ANXA4: variants seen among roughly 807,000 people sequenced by gnomAD.
The protein encoded by ANXA4 is annexin A4.
Under a neutral mutation model 49.8 loss-of-function variants are expected in ANXA4, and 39 were observed. The ratio of observed to expected loss-of-function variants is 0.78; its 90% CI spans 0.61 to 1.02. The LOEUF (loss-of-function observed/expected upper bound fraction) is 1.02. Ranked by LOEUF, ANXA4 falls within the 50% of genes least tolerant of loss-of-function variation. ANXA4 has a pLI of 0.00. For synonymous variants in ANXA4, 134 were observed against 152.5 expected (o/e 0.88, Z 0.89); for missense variants, 360 against 410.1 (o/e 0.88, Z 1.05).
At chr2:69,763,426 C>T (rs981142208) in intron 1 of ANXA4, among the ~76,000 whole-genome samples, 14 of 151,892 alleles carry the variant, frequency 9.2e-5, no homozygotes, top group African/African-American at 3.4e-4. Context: ...TTTTTCCCCA[C>T]GTGGGCAAAT....
chr2:69,712,829 G>A (rs1035407021), intron 2 of ANXA4, among the ~76,000 whole-genome samples: 2 of 152,140 alleles, frequency 1.3e-5, no homozygotes, highest in African/African-American at 4.8e-5. Context: ...TTCTTCTTGA[G>A]TTGTGAAGAT....
At position 69,656,377 on chromosome 2, in the gene ANXA4, GTGTATATA is replaced by G. The variant is rs1203668093; in HGVS notation, n.766+3097_766+3104del. Among the ~76,000 whole-genome samples, 31 of 100,132 alleles carry G rather than the reference GTGTATATA, an allele frequency of 3.1e-4. No homozygotes were observed. In the East Asian group the frequency reaches 9.8e-3, roughly 32 times the overall value. The allele number at this position is 100,132 out of a possible 152,430, so 65.7% of individuals were successfully genotyped here. A position where few individuals can be genotyped will look rare whatever the true frequency, so the allele number is the denominator to read the frequency against. On this transcript the variant is annotated intron_variant and non_coding_transcript_variant, in intron 2 of 3. Coordinates refer to the ANXA4 transcript ENST00000418066. ...TATGTGTATATATATGTGTATATATGTGTATATATATGTGTATATATATGTATATATAT... is the reference window on the plus strand; with the variant it reads ...TATGTGTATATATATGTGTATATATGTATGTGTATATATATGTATATATAT...
chr2:69,699,906 CCA>C (rs1367116940), intron 2 of ANXA4, among the ~76,000 whole-genome samples: 1 of 152,122 alleles, frequency 6.6e-6, no homozygotes, highest in Non-Finnish European at 1.5e-5. Flanking sequence ...ATGGCGACCT[CCA>C]GGGAATTTAG....
chr2:69,729,805 C>T (rs930708417), intron 3 of ANXA4, among the ~76,000 whole-genome samples: 2 of 152,150 alleles, frequency 1.3e-5, no homozygotes, highest in Admixed American at 1.3e-4. Flanking sequence ...GTACTGTGTT[C>T]AGTTTATAAA....
chr2:69,725,715 T>C lies in ANXA4; in HGVS notation n.864+4844T>C, dbSNP rs571790384. ...AGGGAGTGTGTGGCCTTCAGGCTAA[T>C]GTGCACTGTAAGAGGCTAAATGAGA... On this transcript the variant is annotated intron_variant and non_coding_transcript_variant, in intron 3 of 3. Coordinates refer to the ANXA4 transcript ENST00000418066. Among the ~76,000 whole-genome samples the C allele has an allele frequency of 3.3e-5, 5 of 152,296 alleles. No individual in the cohort carries two copies. The East Asian group carries it at 9.6e-4, about 29-fold the overall frequency.
intron 3 of ANXA4, among the ~76,000 whole-genome samples, chr2:69,804,281 C>T (rs1011570783): frequency 1.3e-5 from 2 of 152,078 alleles, no homozygotes; most frequent in Non-Finnish European, 2.9e-5. Flanking sequence ...TCATCATTCA[C>T]ATTTGCAGAT....
intron 3 of ANXA4, among the ~76,000 whole-genome samples, chr2:69,792,892 T>G (rs904536728): frequency 2.0e-5 from 3 of 152,218 alleles, no homozygotes; most frequent in Admixed American, 6.5e-5. Flanking sequence ...CTTGGTTGCT[T>G]CCGTATGTTC....
chr2:69,699,468 C>T (rs1678263032), intron 2 of ANXA4, among the ~76,000 whole-genome samples: 1 of 152,040 alleles, frequency 6.6e-6, no homozygotes, highest in South Asian at 2.1e-4. Context: ...AGTGAGACCT[C>T]ATTCTATGAG....
chr2:69,709,242 G>A (rs886440499), intron 2 of ANXA4, among the ~76,000 whole-genome samples: 3 of 152,226 alleles, frequency 2.0e-5, no homozygotes, highest in Admixed American at 2.0e-4. Context: ...ATTAAAGTGA[G>A]TAAAGGATAC....
At chr2:69,653,424 A>G (rs1261579678) in intron 2 of ANXA4, 2 of 152,252 alleles carry the variant, frequency 1.3e-5, no homozygotes. Context: ...TGTCCAGGTA[A>G]ACTGGAACAT....
chr2:69,661,305 A>G (rs923316252), intron 2 of ANXA4, among the ~76,000 whole-genome samples: 1 of 152,142 alleles, frequency 6.6e-6, no homozygotes, highest in African/African-American at 2.4e-5. Flanking sequence ...CAGAAAGAAG[A>G]AAATCAAACT....
At chr2:69,820,870 C>T in intron 12 of ANXA4, 49 bp downstream of exon 12, 2 of 1,576,090 alleles carry the variant, frequency 1.3e-6, no homozygotes, top group South Asian at 1.2e-5. Context: ...GAAAAGGACC[C>T]CTCTGACCTT....
chr2:69,788,124 A>G lies in ANXA4; in HGVS notation c.80A>G (p.Lys27Arg). The G allele has an allele frequency of 6.2e-7, 1 of 1,613,954 alleles. No homozygotes were observed. The highest frequency in any genetic ancestry group is 1.7e-5 in the Admixed American group (1 of 60,012). The change falls in exon 3 of 13, where the codon AAG becomes AGG. Residue 27 changes from lysine to arginine, a missense_variant. Physicochemically the swap from Lys to Arg is conservative, Grantham distance 26. Coordinates refer to ENST00000394295, the MANE Select transcript of ANXA4 (RefSeq NM_001153.5). ...ATGGAAGATGCCCAGACCCTGAGGAAGGCCATGAAAGGGCTCGGTATGTGT... is the reference window on the plus strand; with the variant it reads ...ATGGAAGATGCCCAGACCCTGAGGAGGGCCATGAAAGGGCTCGGTATGTGT... ...NAMEDAQTLR[K>R]AMKGLGTDED...
intron 3 of ANXA4, 105 bp from the exon 4 acceptor site, chr2:69,804,428 A>G: frequency 1.0e-6 from 1 of 981,682 alleles, no homozygotes; most frequent in Non-Finnish European, 1.5e-6. Flanking sequence ...CTTTTCTTAG[A>G]AAGCCCTCTG....
At chr2:69,693,846 T>C (rs73935626) in intron 2 of ANXA4, among the ~76,000 whole-genome samples, 67 of 152,114 alleles carry the variant, frequency 4.4e-4, no homozygotes, top group Non-Finnish European at 7.1e-4. Context: ...AATTTCATGA[T>C]TGTGACAGCT....
At chr2:69,741,998 C>G (rs1472928555), upstream of ANXA4, 1 of 152,282 alleles carries the variant, frequency 6.6e-6, no homozygotes, top group Non-Finnish European at 1.5e-5. Context: ...GCCCGGGGCC[C>G]CAGGTGCGCT....
chr2:69,743,071 T>A (rs1043586016), intron 1 of ANXA4, among the ~76,000 whole-genome samples: 3 of 152,192 alleles, frequency 2.0e-5, no homozygotes, highest in East Asian at 3.8e-4. Flanking sequence ...TGGAGTGCAG[T>A]GGCTGGATAC....
At chr2:69,781,693 G>A (rs1573244892) in intron 2 of ANXA4, 119 bp downstream of exon 2, 3 of 1,178,408 alleles carry the variant, frequency 2.5e-6, no homozygotes, top group African/African-American at 1.5e-5. Context: ...GAAGGAGGAG[G>A]ACATGAAAAG....
At chr2:69,805,046 C>CAAAAAAAAAAAAAAAAAAAAA (rs60172949) in intron 4 of ANXA4, among the ~76,000 whole-genome samples, 1 of 35,870 alleles carries the variant, frequency 2.8e-5, no homozygotes, top group Admixed American at 4.6e-4. Flanking sequence ...GACTCCATCT[C>CAAAAAAAAAAAAAAAAAAAAA]AAAAAAAAAA....
Sources: gnomAD v4.1 joint callset for allele counts (sites outside exome capture counted in the v4.1 genomes callset) on GRCh38, gnomAD v4.1.1 for gene constraint, MANE v1.5 for transcripts, NCBI Gene and HGNC (gene_info 2026-07-23, HGNC 2026-07-21) for gene names.